The following CPEB1 variants were observed in gnomAD, a reference collection of about 807,000 sequenced individuals.
CPEB1 encodes the protein cytoplasmic polyadenylation element binding protein 1.
In CPEB1, 7 loss-of-function variants were observed where a neutral mutation model predicts 65.8. The observed-to-expected ratio is 0.11, with a 90% CI of 0.06 to 0.20. The LOEUF (loss-of-function observed/expected upper bound fraction) is 0.20. Ranked by LOEUF, CPEB1 falls within the 10% of genes least tolerant of loss-of-function variation. The pLI, the probability that CPEB1 is intolerant of heterozygous loss-of-function variation, is 1.00. For missense variants in CPEB1, 551 were observed against 712.2 expected, an observed-to-expected ratio of 0.77 and a Z score of 2.58; for synonymous variants, 262 against 260.0, an observed-to-expected ratio of 1.01 and a Z score of -0.08.
intron 4 of CPEB1, among the ~76,000 whole-genome samples, chr15:82,569,076 C>T (rs1159136169): frequency 2.6e-5 from 4 of 152,202 alleles, no homozygotes; most frequent in African/African-American, 4.8e-5. Flanking sequence ...TGAAAGCCTC[C>T]TCCCTCACTG....
At chr15:82,617,400 G>C (rs1426902942) in intron 3 of CPEB1, among the ~76,000 whole-genome samples, 5 of 152,108 alleles carry the variant, frequency 3.3e-5, no homozygotes, top group Non-Finnish European at 2.9e-5. Context: ...CATTTCTCTT[G>C]AGTGTGACCA....
intron 1 of CPEB1, among the ~76,000 whole-genome samples, chr15:82,638,347 T>C (rs2046834093): frequency 6.6e-6 from 1 of 152,202 alleles, no homozygotes. Context: ...TTGACAAATA[T>C]TGGCTTGAAT....
rs536094415 is a variant in CPEB1 at position 82,608,347 on chromosome 15, T to C, written c.271+18846A>G. Among the ~76,000 whole-genome samples the C allele has an allele frequency of 4.6e-5, 7 of 152,266 alleles. No homozygotes were observed. In the East Asian group the frequency reaches 5.8e-4, roughly 13 times the overall value. ...TTGGTGAGCTCGGAGGTAGGTCAAATACAACCACATAAGTGGGGCCTTGTG... is the reference window on the plus strand; with the variant it reads ...TTGGTGAGCTCGGAGGTAGGTCAAACACAACCACATAAGTGGGGCCTTGTG... On this transcript the variant is annotated intron_variant, in intron 3 of 12. Coordinates refer to ENST00000684509, the MANE Select transcript of CPEB1 (RefSeq NM_001365242.1).
At chr15:82,574,216 A>G (rs993471855) in intron 3 of CPEB1, among the ~76,000 whole-genome samples, 1 of 152,068 alleles carries the variant, frequency 6.6e-6, no homozygotes, top group Non-Finnish European at 1.5e-5. Context: ...GATTTTCACT[A>G]CCATTGTAGG....
intron 3 of CPEB1, among the ~76,000 whole-genome samples, chr15:82,625,986 G>A (rs1046718518): frequency 1.3e-5 from 2 of 151,848 alleles, no homozygotes; most frequent in African/African-American, 4.8e-5. Flanking sequence ...CAGGTGTGGT[G>A]GCGGGTGCCT....
At chr15:82,647,573 TGGAGGCCGCAGTGC>T, upstream of CPEB1, 1 of 314,828 alleles carries the variant, frequency 3.2e-6, no homozygotes, top group Non-Finnish European at 5.8e-6. Context: ...CGAGGCCGCC[TGGAGGCCGCAGTGC>T]GGCTCGGAGG....
intron 4 of CPEB1, among the ~76,000 whole-genome samples, chr15:82,569,679 C>G (rs2039715135): frequency 1.3e-5 from 2 of 152,230 alleles, no homozygotes; most frequent in African/African-American, 4.8e-5. Flanking sequence ...TGGGGCACAC[C>G]TGCATTTCTA....
chr15:82,632,334 T>A (rs1299351315), intron 1 of CPEB1, among the ~76,000 whole-genome samples: 1 of 152,172 alleles, frequency 6.6e-6, no homozygotes, highest in African/African-American at 2.4e-5. Context: ...AAGTTAATTT[T>A]ATACAATATT....
At chr15:82,641,591 G>C (rs1261421931) in intron 1 of CPEB1, 1 of 152,128 alleles carries the variant, frequency 6.6e-6, no homozygotes, top group East Asian at 1.9e-4. Flanking sequence ...ATAGCTACTT[G>C]CAACCAAGAC....
At chr15:82,585,928 A>T (rs948987539) in intron 3 of CPEB1, among the ~76,000 whole-genome samples, 4 of 152,092 alleles carry the variant, frequency 2.6e-5, no homozygotes, top group Admixed American at 6.6e-5. Context: ...GAGAATCTTG[A>T]GTGTCAGGCA....
chr15:82,547,205 T>A lies in CPEB1; in HGVS notation c.1513A>T (p.Ser505Cys). 6.2e-7 allele frequency: 1 copy of A among 1,612,178 alleles called. No homozygotes were observed. The highest frequency in any genetic ancestry group is 8.5e-7 in the Non-Finnish European group (1 of 1,179,336). ...GCAGCGCTGACTGCTTTCAGGTAAC[T>A]CCGTTGGTTATTGAAAGTCACACGA... ...SGRVTFNNQR[S>C]YLKAVSAAFV... is the part of the protein sequence containing the mutation. Residue 505 changes from serine (S) to cysteine (C), a missense_variant, in exon 11 of 13, where the codon AGT (serine) becomes TGT (cysteine). Coordinates refer to ENST00000684509, the MANE Select transcript of CPEB1 (RefSeq NM_001365242.1).
At chr15:82,597,713 T>TTTTC (rs1366247901) in intron 3 of CPEB1, among the ~76,000 whole-genome samples, 1 of 152,090 alleles carries the variant, frequency 6.6e-6, no homozygotes, top group African/African-American at 2.4e-5. Context: ...GGGAATTGGG[T>TTTTC]TTTCTTACAT....
chr15:82,551,225 C>T (rs2036184919), intron 9 of CPEB1, among the ~76,000 whole-genome samples: 3 of 152,160 alleles, frequency 2.0e-5, no homozygotes, highest in Non-Finnish European at 1.5e-5. Context: ...CTAATGTGAC[C>T]ATCCCAATAA....
At chr15:82,559,805 C>T (rs777808587) in intron 4 of CPEB1, among the ~76,000 whole-genome samples, 2 of 152,152 alleles carry the variant, frequency 1.3e-5, no homozygotes, top group Admixed American at 1.3e-4. Context: ...ATCCTTTGGT[C>T]GGGTGTGGTG....
intron 2 of CPEB1, 34 bp from the exon 3 acceptor site, chr15:82,627,401 C>T: frequency 6.5e-7 from 1 of 1,538,096 alleles, no homozygotes; most frequent in Non-Finnish European, 8.8e-7. Context: ...TTTAGGTTTT[C>T]TACACTCCTT....
chr15:82,595,126 T>C (rs182143115), intron 3 of CPEB1, among the ~76,000 whole-genome samples: 1 of 152,330 alleles, frequency 6.6e-6, no homozygotes, highest in Admixed American at 6.5e-5. Flanking sequence ...AACCTTCAAT[T>C]TGTATAAAAC....
At chr15:82,545,530 G>GT (rs2035024125) in intron 12 of CPEB1, among the ~76,000 whole-genome samples, 1 of 152,144 alleles carries the variant, frequency 6.6e-6, no homozygotes, top group South Asian at 2.1e-4. Flanking sequence ...TTGGATACTT[G>GT]TTGGACACAT....
chr15:82,561,271 G>A (rs527467683), intron 4 of CPEB1, among the ~76,000 whole-genome samples: 1 of 152,186 alleles, frequency 6.6e-6, no homozygotes, highest in Non-Finnish European at 1.5e-5. Context: ...TAAACAATGA[G>A]ATTTTCAGAG....
In CPEB1 at chr15:82,573,703, G is replaced by C. The variant is rs544887345; in HGVS notation, c.272-2171C>G. On this transcript the variant is annotated intron_variant, in intron 3 of 12. Coordinates refer to ENST00000684509, the MANE Select transcript of CPEB1 (RefSeq NM_001365242.1). ...ACTCAAAATACAGTGTGGCAGACCA[G>C]CAATATGAGCATCACCAGGAGCTTG... is the stretch of plus-strand genomic sequence containing the variant. 1.4e-4 allele frequency among the ~76,000 whole-genome samples: 22 copies of C among 152,264 alleles called. No homozygotes were observed. The South Asian group carries it at 3.5e-3, about 24-fold the overall frequency.
Sources: gnomAD v4.1 joint callset for allele counts (sites outside exome capture counted in the v4.1 genomes callset) on GRCh38, gnomAD v4.1.1 for gene constraint, MANE v1.5 for transcripts, NCBI Gene and HGNC (gene_info 2026-07-23, HGNC 2026-07-21) for gene names.